The following LPP variants were observed in gnomAD, a reference collection of about 807,000 sequenced individuals.
LPP encodes lipoma-preferred partner.
A neutral mutation model predicts 60.4 loss-of-function variants in LPP; 38 were observed. That is an observed-to-expected ratio of 0.63 (90% confidence interval 0.49 to 0.83). The LOEUF (loss-of-function observed/expected upper bound fraction) is 0.83, where lower values mean the gene tolerates loss of function less well. Ranked by LOEUF, LPP falls within the 40% of genes least tolerant of loss-of-function variation. The pLI is 0.00. For synonymous variants in LPP, 328 were observed against 290.8 expected (o/e 1.13, Z -1.30); for missense variants, 902 against 783.6 (o/e 1.15, Z -1.80).
chr3:188,470,620 A>G (rs1322086414), intron 4 of LPP, among the ~76,000 whole-genome samples: 1 of 152,124 alleles, frequency 6.6e-6, no homozygotes, highest in Non-Finnish European at 1.5e-5. Context: ...ATAATGCTCT[A>G]AAGTTACTAT....
Position 188,466,622 on chromosome 3 carries a change from A to G in LPP, c.194-17970A>G, listed in dbSNP as rs551521357. ...TAATCTTCAGGGTTTATAAATACCT[A>G]TTGATAATACCTTCGTTAATATGGT... On this transcript the variant is annotated intron_variant, in intron 4 of 11. Transcript: ENST00000617246. Among the ~76,000 whole-genome samples the G allele has an allele frequency of 1.1e-4, 17 of 151,580 alleles. No individual in the cohort carries two copies. In the East Asian group the frequency reaches 3.3e-3, roughly 29 times the overall value.
At chr3:188,313,994 G>A (rs373195499) in intron 2 of LPP, among the ~76,000 whole-genome samples, 1 of 152,136 alleles carries the variant, frequency 6.6e-6, no homozygotes, top group Non-Finnish European at 1.5e-5. Context: ...TTACTGAATT[G>A]TCTCATTATT....
Position 188,678,186 on chromosome 3 carries a change from C to T in LPP, c.1114-30081C>T, listed in dbSNP as rs576227936. Among the ~76,000 whole-genome samples, 146 of 152,312 alleles carry T rather than the reference C, an allele frequency of 9.6e-4. 1 individual carries two copies. Among genetic ancestry groups the T allele is most frequent in the African/African-American group, 3.5e-3 (144 of 41,574 alleles). ...CCAGCAAAGCCCCTCTTTGAAGACT[C>T]AGTTTCCGTCATGCTGCTCTCTTAC... On this transcript the variant is annotated intron_variant, in intron 7 of 11. Coordinates refer to ENST00000617246, the MANE Select transcript of LPP (RefSeq NM_001375462.1).
At chr3:188,331,613 T>A (rs1293464048) in intron 2 of LPP, among the ~76,000 whole-genome samples, 1 of 152,204 alleles carries the variant, frequency 6.6e-6, no homozygotes, top group African/African-American at 2.4e-5. Flanking sequence ...GACCTTCTCT[T>A]GCTACTTACA....
intron 5 of LPP, among the ~76,000 whole-genome samples, chr3:188,510,207 A>G (rs1387576952): frequency 1.3e-5 from 2 of 152,210 alleles, no homozygotes; most frequent in East Asian, 3.8e-4. Flanking sequence ...GCTTGAGACG[A>G]CATTATTCCT....
intron 9 of LPP, among the ~76,000 whole-genome samples, chr3:188,826,797 C>A (rs553126481): frequency 6.6e-6 from 1 of 152,028 alleles, no homozygotes; most frequent in African/African-American, 2.4e-5. Flanking sequence ...CATCTCTGCA[C>A]CTCTCTATGT....
intron 6 of LPP, among the ~76,000 whole-genome samples, chr3:188,539,174 C>G (rs946291073): frequency 6.6e-6 from 1 of 152,108 alleles, no homozygotes; most frequent in Non-Finnish European, 1.5e-5. Context: ...CATGTCTTAA[C>G]TAAAAAATTT....
chr3:188,564,158 A>T (rs1428155966), intron 6 of LPP, among the ~76,000 whole-genome samples: 1 of 152,036 alleles, frequency 6.6e-6, no homozygotes, highest in Non-Finnish European at 1.5e-5. Flanking sequence ...GACTTTAAAA[A>T]ATATAATTGA....
chr3:188,760,138 C>T lies in LPP; in HGVS notation c.1266C>T (p.Asn422=), dbSNP rs371459082. ...YFGRCARCGE[N]VVGEGTGCTA... ...GCCGCTGTGCTCGCTGTGGAGAAAACGTAGTTGGGGAAGGTACAGGATGCA... is the reference window on the plus strand; with the variant it reads ...GCCGCTGTGCTCGCTGTGGAGAAAATGTAGTTGGGGAAGGTACAGGATGCA... Residue 422 remains asparagine, a synonymous_variant, in exon 9 of 12, where the codon AAC becomes AAT. Coordinates refer to ENST00000617246, the MANE Select transcript of LPP (RefSeq NM_001375462.1). 103 of 1,613,802 alleles carry T rather than the reference C, an allele frequency of 6.4e-5. No individual in the cohort carries two copies. Among genetic ancestry groups the T allele is most frequent in the Middle Eastern group, 1.6e-4 (1 of 6,076 alleles).
intron 6 of LPP, among the ~76,000 whole-genome samples, chr3:188,577,429 T>C (rs1834873460): frequency 1.3e-5 from 2 of 152,020 alleles, no homozygotes; most frequent in African/African-American, 4.8e-5. Flanking sequence ...ATGGTCAATA[T>C]ACACTAACCA....
At chr3:188,646,578 A>G (rs1182612237) in intron 7 of LPP, among the ~76,000 whole-genome samples, 1 of 152,186 alleles carries the variant, frequency 6.6e-6, no homozygotes, top group Non-Finnish European at 1.5e-5. Context: ...GGATGTGCAT[A>G]CAGAATTACC....
At chr3:188,173,522 A>C (rs1433468337) in intron 1 of LPP, among the ~76,000 whole-genome samples, 3 of 152,026 alleles carry the variant, frequency 2.0e-5, no homozygotes, top group Non-Finnish European at 4.4e-5. Flanking sequence ...AAAACAAAAA[A>C]AACAAACAAA....
intron 7 of LPP, among the ~76,000 whole-genome samples, chr3:188,630,711 A>T (rs942302984): frequency 1.3e-5 from 2 of 152,194 alleles, no homozygotes; most frequent in African/African-American, 4.8e-5. Flanking sequence ...CCTAATGAAA[A>T]GACAAATGCA....
intron 8 of LPP, chr3:188,746,383 A>G (rs929886661): frequency 4.3e-6 from 2 of 462,012 alleles, no homozygotes; most frequent in Admixed American, 4.7e-5. Flanking sequence ...GAAAGGAACA[A>G]TCTACAGGTT....
intron 9 of LPP, among the ~76,000 whole-genome samples, chr3:188,863,260 T>C (rs1246671268): frequency 3.3e-5 from 5 of 152,226 alleles, no homozygotes; most frequent in Admixed American, 3.3e-4. Context: ...ATCGAAGGAA[T>C]AAATTATTTA....
At chr3:188,504,509 TG>T (rs748064863) in intron 5 of LPP, among the ~76,000 whole-genome samples, 6 of 152,202 alleles carry the variant, frequency 3.9e-5, no homozygotes, top group Non-Finnish European at 5.9e-5. Context: ...GATTTTTTGT[TG>T]TTGTTGAAAA....
At chr3:188,783,793 T>A (rs1378302373) in intron 9 of LPP, among the ~76,000 whole-genome samples, 1 of 152,130 alleles carries the variant, frequency 6.6e-6, no homozygotes, top group African/African-American at 2.4e-5. Context: ...TATCCCTTCA[T>A]AGACTAGCTG....
In LPP at chr3:188,609,706, C is replaced by A; in HGVS notation, c.975C>A (p.Thr325=). The change falls in exon 7 of 12, where the codon ACC becomes ACA. Residue 325 remains threonine (T), a synonymous_variant. Coordinates refer to ENST00000617246, the MANE Select transcript of LPP (RefSeq NM_001375462.1). The surrounding 1 kb of genome is among the most constrained non-coding windows in gnomAD (Gnocchi z 6.9). ...PTYGQQGHPN[T]WKREPGYTPP... ...ATGGTCAACAAGGTCACCCAAATAC[C>A]TGGAAACGGGAACCAGGGTACACTC... The A allele has an allele frequency of 6.2e-7, 1 of 1,614,104 alleles. No homozygotes were observed. The highest frequency in any genetic ancestry group is 8.5e-7 in the Non-Finnish European group (1 of 1,180,002).
chr3:188,220,471 G>A (rs898150332), intron 1 of LPP, among the ~76,000 whole-genome samples: 2 of 152,194 alleles, frequency 1.3e-5, no homozygotes, highest in African/African-American at 4.8e-5. Flanking sequence ...TAAGGGAAAG[G>A]AGGATTCCAT....
Sources: allele counts gnomAD v4.1 joint callset (sites outside exome capture counted in the v4.1 genomes callset), GRCh38; gene constraint gnomAD v4.1.1; non-coding constraint Gnocchi (gnomAD v3.1); transcripts MANE v1.5; gene names NCBI Gene and HGNC (gene_info 2026-07-23, HGNC 2026-07-21).